Variants in WIPI1 observed in about 807,000 individuals in gnomAD.
The protein encoded by WIPI1 is WD repeat domain phosphoinositide-interacting protein 1.
Under a neutral mutation model 55.3 loss-of-function variants are expected in WIPI1, and 45 were observed. The observed-to-expected ratio is 0.81, with a 90% confidence interval of 0.64 to 1.04. WIPI1 has a LOEUF of 1.04. Ranked by LOEUF, WIPI1 falls within the 50% of genes least tolerant of loss-of-function variation. WIPI1 has a pLI of 0.00. For synonymous variants in WIPI1, 195 were observed against 217.6 expected (o/e 0.90, Z 0.92); for missense variants, 445 against 559.0 (o/e 0.80, Z 2.06).
intron 7 of WIPI1, 87 bp from the exon 8 acceptor site, chr17:68,433,662 C>A (rs1229041427): frequency 9.7e-7 from 1 of 1,029,558 alleles, no homozygotes; most frequent in Non-Finnish European, 1.4e-6. Flanking sequence ...ATAAGAAAAT[C>A]AGATGTATCC....
At chr17:68,444,139 T>C (rs2084189215) in intron 4 of WIPI1, among the ~76,000 whole-genome samples, 1 of 152,220 alleles carries the variant, frequency 6.6e-6, no homozygotes, top group Non-Finnish European at 1.5e-5. Context: ...TCACGCCTAC[T>C]CTGTACTGAA....
chr17:68,426,001 C>G (rs1196024577), intron 12 of WIPI1, 74 bp downstream of exon 12: 1 of 1,167,448 alleles, frequency 8.6e-7, no homozygotes, highest in Admixed American at 1.8e-5. Flanking sequence ...AGGGACTCTG[C>G]CTCTCGTATG....
Position 68,427,830 on chromosome 17 carries a change from T to C in WIPI1, c.1074-577A>G, listed in dbSNP as rs578109790. ...GGGGGCGGTGGCAGCTCTGGTGCCC[T>C]GGCCACAGCAGGAGAGCTCAGTCTG... is the stretch of plus-strand genomic sequence containing the variant. On this transcript the variant is annotated intron_variant, in intron 10 of 12. Coordinates refer to ENST00000262139, the MANE Select transcript of WIPI1 (RefSeq NM_017983.7). Among the ~76,000 whole-genome samples the C allele has an allele frequency of 2.4e-3, 362 of 152,316 alleles. 1 individual carries two copies. Among genetic ancestry groups the C allele is most frequent in the African/African-American group, 8.4e-3 (348 of 41,578 alleles).
chr17:68,424,959 A>G (rs1286812578), intron 12 of WIPI1, among the ~76,000 whole-genome samples: 5 of 152,246 alleles, frequency 3.3e-5, no homozygotes, highest in African/African-American at 9.6e-5. Context: ...TGAAGCTCAC[A>G]AGAGCGGTCT....
intron 1 of WIPI1, among the ~76,000 whole-genome samples, chr17:68,453,358 C>T (rs1424241443): frequency 3.9e-5 from 6 of 152,188 alleles, no homozygotes; most frequent in Non-Finnish European, 8.8e-5. Context: ...CTACCTCCAA[C>T]ACAACGAGGG....
chr17:68,431,860 T>C (rs553215536), intron 8 of WIPI1, among the ~76,000 whole-genome samples: 2 of 51,918 alleles, frequency 3.9e-5, no homozygotes, highest in East Asian at 8.8e-4. Flanking sequence ...GAGTGGAAAA[T>C]CAATCTCTGA....
At chr17:68,429,010 C>A (rs1250193018) in intron 9 of WIPI1, 74 bp from the exon 10 acceptor site, 2 of 1,132,870 alleles carry the variant, frequency 1.8e-6, no homozygotes, top group Non-Finnish European at 1.3e-6. Flanking sequence ...TGACAAAGCC[C>A]CCCTCACCCT....
In WIPI1 at chr17:68,421,537, T is replaced by C. The variant is rs769540879; in HGVS notation, c.*236A>G. 1.8e-4 allele frequency: 101 copies of C among 556,220 alleles called. No individual in the cohort carries two copies. The highest frequency in any genetic ancestry group is 2.7e-4 in the Non-Finnish European group (84 of 308,572). The allele number at this position is 556,220 out of a possible 1,614,324, so 34.5% of individuals were successfully genotyped here. A position where few individuals can be genotyped will look rare whatever the true frequency, so the allele number is the denominator to read the frequency against. ...GGTTAATTAGCATTTACACTATAGTTTGAACGTATTTTAAATAGCATGATG... is the reference window on the plus strand; with the variant it reads ...GGTTAATTAGCATTTACACTATAGTCTGAACGTATTTTAAATAGCATGATG... On this transcript the variant is annotated 3_prime_UTR_variant, in exon 13 of 13. Transcript: ENST00000262139.
intron 12 of WIPI1, among the ~76,000 whole-genome samples, chr17:68,425,291 C>G (rs971748896): frequency 6.6e-6 from 1 of 152,196 alleles, no homozygotes; most frequent in Non-Finnish European, 1.5e-5. Context: ...GCAGCCTCGA[C>G]CTCCCAGGCT....
intron 1 of WIPI1, among the ~76,000 whole-genome samples, chr17:68,456,265 T>G (rs1190178599): frequency 6.6e-6 from 1 of 152,224 alleles, no homozygotes; most frequent in Non-Finnish European, 1.5e-5. Flanking sequence ...CCGGGTGTTT[T>G]TAAACAGAAA....
Position 68,426,254 on chromosome 17 carries a change from G to GGGGGT in WIPI1, c.1193-80_1193-79insACCCC. 6 of 816,916 alleles carry GGGGGT rather than the reference G, an allele frequency of 7.3e-6. 1 individual carries two copies. Among genetic ancestry groups the GGGGGT allele is most frequent in the African/African-American group, 1.7e-5 (1 of 58,580 alleles). 50.6% of individuals were successfully genotyped at this position (816,916 alleles called of 1,614,324 possible). On this transcript the variant is annotated intron_variant, in intron 11 of 12. Coordinates refer to ENST00000262139, the MANE Select transcript of WIPI1 (RefSeq NM_017983.7). ...ATGACCTGGCGGGTGGGGAGCGGGG[G>GGGGGT]CTCAAATAAAGGGCAAAGGAAGCAA...
chr17:68,447,523 G>A (rs1405440606), intron 3 of WIPI1, among the ~76,000 whole-genome samples: 4 of 151,742 alleles, frequency 2.6e-5, no homozygotes, highest in African/African-American at 9.7e-5. Context: ...CTAGGCCTAC[G>A]GGCAAGTGCC....
chr17:68,457,283 C>A (rs1197817070), intron 1 of WIPI1, 59 bp downstream of exon 1: 2 of 1,525,572 alleles, frequency 1.3e-6, no homozygotes, highest in East Asian at 5.4e-5. Flanking sequence ...CAGGACGACA[C>A]CCCTGGGTCC....
At chr17:68,427,995 A>AT (rs761597301) in intron 10 of WIPI1, among the ~76,000 whole-genome samples, 4 of 151,674 alleles carry the variant, frequency 2.6e-5, no homozygotes, top group African/African-American at 4.8e-5. Flanking sequence ...GGCTCAGGTG[A>AT]TCCCCCCACC....
chr17:68,427,964 A>C (rs1357093455), intron 10 of WIPI1, among the ~76,000 whole-genome samples: 1 of 151,872 alleles, frequency 6.6e-6, no homozygotes, highest in Non-Finnish European at 1.5e-5. Context: ...ACCACAGCTT[A>C]CTGCAGTCTT....
At position 68,447,553 on chromosome 17, in the gene WIPI1, T is replaced by C. The variant is rs112231021; in HGVS notation, c.334-2964A>G. On this transcript the variant is annotated intron_variant, in intron 3 of 12. Transcript: ENST00000262139. ...AGTGCCACCATGCCCAGCTAATTTATTTTTATAGTAAAGACCTAGTAAAGA... is the reference window on the plus strand; with the variant it reads ...AGTGCCACCATGCCCAGCTAATTTACTTTTATAGTAAAGACCTAGTAAAGA... 8.1e-3 allele frequency among the ~76,000 whole-genome samples: 1,232 copies of C among 152,156 alleles called. 21 individuals are homozygous for C. The highest frequency in any genetic ancestry group is 0.026 in the African/African-American group (1,079 of 41,522).
In WIPI1 at chr17:68,436,412, C is replaced by T. The variant is rs1018704256; in HGVS notation, c.498G>A (p.Gly166=). The T allele has an allele frequency of 9.9e-6, 16 of 1,613,948 alleles. No individual in the cohort carries two copies. The highest frequency in any genetic ancestry group is 1.3e-5 in the Non-Finnish European group (15 of 1,179,896). Reference sequence around the variant, plus strand: ...AGTTTCCATCATAAAGCACAATCTCCCCTGAAGTCAGGCTTCCAGGATAGG... The same window carrying T: ...AGTTTCCATCATAAAGCACAATCTCTCCTGAAGTCAGGCTTCCAGGATAGG... ...YLAYPGSLTS[G]EIVLYDGNSL... The change falls in exon 5 of 13, where the codon GGG becomes GGA. Residue 166 remains glycine (G), a synonymous_variant. Transcript: ENST00000262139.
rs1463224481 is a variant in WIPI1 at position 68,426,250 on chromosome 17, G to A, written c.1193-75C>T. 21 of 827,938 alleles carry A rather than the reference G, an allele frequency of 2.5e-5. 4 individuals carry two copies. The highest frequency in any genetic ancestry group is 2.2e-4 in the South Asian group (17 of 75,716). 51.3% of individuals were successfully genotyped at this position (827,938 alleles called of 1,614,324 possible). ...TGCCATGACCTGGCGGGTGGGGAGC[G>A]GGGGCTCAAATAAAGGGCAAAGGAA... On this transcript the variant is annotated intron_variant, in intron 11 of 12. Transcript: ENST00000262139.
intron 7 of WIPI1, among the ~76,000 whole-genome samples, chr17:68,433,885 C>A (rs1380768509): frequency 6.8e-6 from 1 of 146,394 alleles, no homozygotes; most frequent in Non-Finnish European, 1.5e-5. Flanking sequence ...TGGGTTCAAG[C>A]GATTCTCCTG....
Sources: gnomAD v4.1 joint callset for allele counts (sites outside exome capture counted in the v4.1 genomes callset) on GRCh38, gnomAD v4.1.1 for gene constraint, MANE v1.5 for transcripts, NCBI Gene and HGNC (gene_info 2026-07-23, HGNC 2026-07-21) for gene names.